KANK1: variants seen among roughly 807,000 people sequenced by gnomAD.
KANK1 encodes the protein KN motif and ankyrin repeat domain-containing protein 1.
In KANK1, 109 loss-of-function variants were observed where a neutral mutation model predicts 106.2. The observed-to-expected ratio is 1.03, with a 90% CI of 0.88 to 1.20. The LOEUF is 1.20. KANK1 is among the 50% of genes most tolerant of loss of function. KANK1 has a pLI of 0.00. For missense variants in KANK1, 2,399 were observed against 1,710.7 expected (o/e 1.40, Z -7.10); for synonymous variants, 873 against 652.2 (o/e 1.34, Z -5.16).
rs79437342 is a variant in KANK1, at chr9:671,623, A to AAAAAAAAAAAAAAAAAAAAAAAAAAGAAG, written c.-83-5263_-83-5262insAAAAAAAAAAAAAAAAAAAAAGAAGAAAA. Among the ~76,000 whole-genome samples, 127 of 103,560 alleles carry AAAAAAAAAAAAAAAAAAAAAAAAAAGAAG rather than the reference A, an allele frequency of 1.2e-3. 6 individuals are homozygous for AAAAAAAAAAAAAAAAAAAAAAAAAAGAAG. The highest frequency in any genetic ancestry group is 5.3e-3 in the African/African-American group (120 of 22,462). 67.9% of individuals were successfully genotyped at this position (103,560 alleles called of 152,430 possible). A position where few individuals can be genotyped will look rare whatever the true frequency, so the allele number is the denominator to read the frequency against. On this transcript the variant is annotated intron_variant, in intron 1 of 11. Coordinates refer to ENST00000382297, the MANE Select transcript of KANK1 (RefSeq NM_015158.5). ...AGAGCGAAACTCCGTCTCAAAAAAA[A>AAAAAAAAAAAAAAAAAAAAAAAAAAGAAG]AAAAGAGTGTACTGGTTAAGTACTG... is the stretch of plus-strand genomic sequence containing the variant.
At chr9:691,026 T>G (rs1249930584) in intron 2 of KANK1, among the ~76,000 whole-genome samples, 2 of 152,220 alleles carry the variant, frequency 1.3e-5, no homozygotes, top group African/African-American at 4.8e-5. Context: ...AGGTGTGTGT[T>G]TCTCTCTTCA....
At chr9:565,361 C>T (rs1817551499) in intron 1 of KANK1, among the ~76,000 whole-genome samples, 1 of 152,156 alleles carries the variant, frequency 6.6e-6, no homozygotes, top group Admixed American at 6.5e-5. Context: ...CTTGTGCAGA[C>T]AGTAGTTTAA....
intron 1 of KANK1, among the ~76,000 whole-genome samples, chr9:658,433 G>A (rs931532379): frequency 4.6e-5 from 7 of 151,812 alleles, no homozygotes; most frequent in African/African-American, 1.5e-4. Context: ...TGAAATATAT[G>A]GAGCTCTTTC....
At chr9:603,313 G>C (rs1369467144) in intron 1 of KANK1, among the ~76,000 whole-genome samples, 1 of 151,840 alleles carries the variant, frequency 6.6e-6, no homozygotes, top group African/African-American at 2.4e-5. Flanking sequence ...GTTCAGAAAC[G>C]TGGCTGGCTG....
At chr9:493,722 A>G (rs571419054) in intron 3 of KANK1, among the ~76,000 whole-genome samples, 1 of 150,212 alleles carries the variant, frequency 6.7e-6, no homozygotes, top group Non-Finnish European at 1.5e-5. Flanking sequence ...TAATTTTTGT[A>G]TTTTAGTAGA....
intron 1 of KANK1, among the ~76,000 whole-genome samples, chr9:642,827 G>T (rs1838785684): frequency 6.7e-6 from 1 of 149,236 alleles, no homozygotes; most frequent in Non-Finnish European, 1.5e-5. Context: ...CCTTCCTTTT[G>T]GTATTTTGAG....
chr9:507,608 G>C (rs2058823166), intron 1 of KANK1, among the ~76,000 whole-genome samples: 1 of 148,938 alleles, frequency 6.7e-6, no homozygotes, highest in South Asian at 2.2e-4. Flanking sequence ...CCAGGCTGGA[G>C]TGCAGTGGCG....
rs117872463 is a variant in KANK1 at position 737,824 on chromosome 9, C to G, written c.3334-461C>G. 1.3e-3 allele frequency among the ~76,000 whole-genome samples: 199 copies of G among 152,268 alleles called. 1 individual carries two copies. In the East Asian group the frequency reaches 0.028, roughly 22 times the overall value. On this transcript the variant is annotated intron_variant, in intron 7 of 11. Transcript: ENST00000382297. ...AGGCTAGTTAATTTCTTCCTAATTTCTATGAAAATTGTTTGCAAGGCCAGT... is the reference window on the plus strand; with the variant it reads ...AGGCTAGTTAATTTCTTCCTAATTTGTATGAAAATTGTTTGCAAGGCCAGT...
chr9:734,918 C>T (rs1018245482), intron 7 of KANK1, 83 bp downstream of exon 7: 19 of 961,770 alleles, frequency 2.0e-5, no homozygotes, highest in African/African-American at 3.3e-5. Flanking sequence ...GTAGGCTGCC[C>T]GAGCTGTTGC....
At chr9:658,035 A>G (rs1355554797) in intron 1 of KANK1, among the ~76,000 whole-genome samples, 1 of 152,070 alleles carries the variant, frequency 6.6e-6, no homozygotes, top group Non-Finnish European at 1.5e-5. Flanking sequence ...CACCATACCC[A>G]GTTCCATTCT....
chr9:739,987 G>A (rs1834967354), intron 8 of KANK1, among the ~76,000 whole-genome samples: 1 of 152,118 alleles, frequency 6.6e-6, no homozygotes, highest in South Asian at 2.1e-4. Context: ...AGTTGTTTGG[G>A]ATCTTAAGGT....
chr9:665,112 G>A (rs1200966332), intron 1 of KANK1, among the ~76,000 whole-genome samples: 2 of 152,048 alleles, frequency 1.3e-5, no homozygotes, highest in East Asian at 1.9e-4. Flanking sequence ...TCATTCTATG[G>A]GTTGTTTCTT....
intron 4 of KANK1, chr9:730,776 C>T: frequency 5.5e-6 from 1 of 182,212 alleles, no homozygotes; most frequent in South Asian, 1.2e-4. Context: ...TATTCACGTT[C>T]TGGCAGGCAT....
intron 1 of KANK1, among the ~76,000 whole-genome samples, chr9:653,094 G>A (rs1022829): frequency 0.15 from 22,567 of 152,084 alleles, 1,852 homozygotes; most frequent in Admixed American, 0.18. Context: ...ACTTTATTTA[G>A]CAACGTCAGC....
intron 1 of KANK1, among the ~76,000 whole-genome samples, chr9:644,528 G>A (rs1043080429): frequency 2.0e-5 from 3 of 150,910 alleles, no homozygotes; most frequent in South Asian, 2.1e-4. Context: ...CACGTTTTAC[G>A]TGGCCAGAGC....
At chr9:515,359 GA>G (rs1051864127) in intron 1 of KANK1, among the ~76,000 whole-genome samples, 1 of 147,260 alleles carries the variant, frequency 6.8e-6, no homozygotes. Flanking sequence ...AAAAAAAAAA[GA>G]AAAAAAAGCC....
At chr9:694,738 G>T (rs1412102603) in intron 2 of KANK1, among the ~76,000 whole-genome samples, 1 of 152,110 alleles carries the variant, frequency 6.6e-6, no homozygotes, top group Non-Finnish European at 1.5e-5. Context: ...GTGCAGCCTG[G>T]CTTCTGGCCT....
intron 5 of KANK1, chr9:731,572 C>T (rs566059757): frequency 5.5e-6 from 1 of 180,878 alleles, no homozygotes; most frequent in African/African-American, 2.4e-5. Flanking sequence ...ACAACTTGTA[C>T]TTACCTATAC....
intron 2 of KANK1, among the ~76,000 whole-genome samples, chr9:472,075 T>A (rs892259770): frequency 1.3e-5 from 2 of 152,198 alleles, no homozygotes; most frequent in African/African-American, 4.8e-5. Flanking sequence ...AAAACACTCT[T>A]ACATATAATT....
Sources: allele counts gnomAD v4.1 joint callset (sites outside exome capture counted in the v4.1 genomes callset), GRCh38; gene constraint gnomAD v4.1.1; transcripts MANE v1.5; gene names NCBI Gene and HGNC (gene_info 2026-07-23, HGNC 2026-07-21).